The following SAMD4A variants were observed in gnomAD, a reference collection of about 807,000 sequenced individuals.
SAMD4A encodes sterile alpha motif domain containing 4A.
Under a neutral mutation model 81.3 loss-of-function variants are expected in SAMD4A, and 33 were observed. That is an observed-to-expected ratio of 0.41 (90% CI 0.31 to 0.54). The LOEUF is 0.54. Among genes scored for constraint, SAMD4A ranks in the 20% least tolerant of loss-of-function variants. The pLI is 0.37. For synonymous variants in SAMD4A, 389 were observed against 382.1 expected, an observed-to-expected ratio of 1.02 and a Z score of -0.21; for missense variants, 854 against 951.1, an observed-to-expected ratio of 0.90 and a Z score of 1.34.
intron 6 of SAMD4A, among the ~76,000 whole-genome samples, chr14:54,754,233 T>C (rs1401659830): frequency 6.6e-6 from 1 of 152,200 alleles, no homozygotes; most frequent in Non-Finnish European, 1.5e-5. Context: ...GTCAGTGATG[T>C]TTTCCGTGTC....
Position 54,789,913 on chromosome 14 carries a change from A to G in SAMD4A, c.*969A>G, listed in dbSNP as rs796434045. On this transcript the variant is annotated 3_prime_UTR_variant, in exon 13 of 13. Transcript: ENST00000554335. Reference sequence around the variant, plus strand: ...GCTCGCAGGGCACCCAGAGATTCTCAAAGAATCCTGCAGCCTCTTTCTGTG... The same window carrying G: ...GCTCGCAGGGCACCCAGAGATTCTCGAAGAATCCTGCAGCCTCTTTCTGTG... 1.3e-5 allele frequency: 2 copies of G among 152,238 alleles called. No homozygotes were observed. The highest frequency in any genetic ancestry group is 2.9e-5 in the Non-Finnish European group (2 of 68,048). The allele number at this position is 152,238 out of a possible 1,614,324, so 9.4% of individuals were successfully genotyped here.
At chr14:54,591,627 A>T (rs1425263010) in intron 2 of SAMD4A, among the ~76,000 whole-genome samples, 2 of 151,678 alleles carry the variant, frequency 1.3e-5, no homozygotes, top group African/African-American at 4.8e-5. Context: ...ATCAGTCAGC[A>T]TGTGTAGCTG....
intron 2 of SAMD4A, among the ~76,000 whole-genome samples, chr14:54,623,707 G>A (rs2034677582): frequency 6.6e-6 from 1 of 152,140 alleles, no homozygotes. Context: ...GAAATGTTCT[G>A]AACATAGCTG....
intron 2 of SAMD4A, among the ~76,000 whole-genome samples, chr14:54,586,765 A>G (rs1441555108): frequency 6.6e-6 from 1 of 151,984 alleles, no homozygotes; most frequent in East Asian, 1.9e-4. Context: ...TGGGTTCTCT[A>G]TTTTGTTCCA....
intron 2 of SAMD4A, among the ~76,000 whole-genome samples, chr14:54,610,689 T>A (rs2034330099): frequency 6.6e-6 from 1 of 152,242 alleles, no homozygotes; most frequent in South Asian, 2.1e-4. Context: ...CTGAGTTTTT[T>A]AAAAAGTCAG....
chr14:54,778,939 C>T (rs984266628), intron 11 of SAMD4A, among the ~76,000 whole-genome samples: 6 of 151,818 alleles, frequency 4.0e-5, no homozygotes, highest in African/African-American at 1.5e-4. Context: ...GGTTCCTCAG[C>T]CCTTGCCAAT....
intron 2 of SAMD4A, among the ~76,000 whole-genome samples, chr14:54,572,977 T>C (rs2033175904): frequency 6.6e-6 from 1 of 152,210 alleles, no homozygotes; most frequent in South Asian, 2.1e-4. Context: ...GTTTTTTCAC[T>C]CTGTCTCCTA....
chr14:54,744,154 C>A (rs1566615482), intron 4 of SAMD4A, among the ~76,000 whole-genome samples: 2 of 152,214 alleles, frequency 1.3e-5, no homozygotes, highest in African/African-American at 4.8e-5. Flanking sequence ...GGGAACAAGG[C>A]TGTTCATGTT....
At chr14:54,566,962 G>A (rs931477189), upstream of SAMD4A, 27 of 152,694 alleles carry the variant, frequency 1.8e-4, no homozygotes, top group African/African-American at 6.3e-4. Context: ...ATCCAGAGGG[G>A]CGCCTGGCGG....
intron 3 of SAMD4A, among the ~76,000 whole-genome samples, chr14:54,724,480 A>C (rs2037361963): frequency 6.6e-6 from 1 of 152,224 alleles, no homozygotes; most frequent in South Asian, 2.1e-4. Flanking sequence ...CATTTAGCCA[A>C]GAAGCCGACA....
At chr14:54,603,470 A>C (rs1248345067) in intron 2 of SAMD4A, among the ~76,000 whole-genome samples, 1 of 152,218 alleles carries the variant, frequency 6.6e-6, no homozygotes, top group East Asian at 1.9e-4. Context: ...GTAGGAACTG[A>C]TCAGCTTATA....
intron 11 of SAMD4A, among the ~76,000 whole-genome samples, chr14:54,781,331 T>C (rs2038994508): frequency 6.6e-6 from 1 of 152,226 alleles, no homozygotes; most frequent in Non-Finnish European, 1.5e-5. Flanking sequence ...GACAAGCCCT[T>C]TGGGCTCCTC....
At chr14:54,592,147 C>G (rs565711640) in intron 2 of SAMD4A, among the ~76,000 whole-genome samples, 7 of 152,236 alleles carry the variant, frequency 4.6e-5, no homozygotes, top group African/African-American at 1.7e-4. Flanking sequence ...ACCACCATAG[C>G]TCTGTGACTT....
rs2038556217 is a variant in SAMD4A, at chr14:54,766,788, GC to G, written c.1596+2251del. On this transcript the variant is annotated intron_variant, in intron 8 of 12. Coordinates refer to ENST00000554335, the MANE Select transcript of SAMD4A (RefSeq NM_015589.6). ...GTCCACCTTGCCTCAAGACAGCTGA[GC>G]CCATGAGACAGAAATCGTGAGTCCT... 2.0e-5 allele frequency among the ~76,000 whole-genome samples: 3 copies of G among 152,172 alleles called. No individual in the cohort carries two copies. In the South Asian group the frequency reaches 6.2e-4, roughly 32 times the overall value.
In SAMD4A at chr14:54,571,544, T is replaced by C. The variant is rs181228942; in HGVS notation, c.196+3432T>C. On this transcript the variant is annotated intron_variant, in intron 2 of 12. Transcript: ENST00000554335. Reference sequence around the variant, plus strand: ...GCTTTTGTCACTTGGACTTGAAATATATTTTTCATAGAGATTTATAAGTTA... The same window carrying C: ...GCTTTTGTCACTTGGACTTGAAATACATTTTTCATAGAGATTTATAAGTTA... Among the ~76,000 whole-genome samples the C allele has an allele frequency of 3.8e-3, 585 of 152,344 alleles. 1 individual carries two copies. The highest frequency in any genetic ancestry group is 7.1e-3 in the Non-Finnish European group (482 of 68,034).
At chr14:54,766,930 T>A (rs1000723047) in intron 8 of SAMD4A, among the ~76,000 whole-genome samples, 1 of 152,108 alleles carries the variant, frequency 6.6e-6, no homozygotes. Context: ...CTTGGTACCC[T>A]GGCTCTGGTT....
chr14:54,641,989 G>C (rs567818545), intron 2 of SAMD4A, among the ~76,000 whole-genome samples: 1 of 152,074 alleles, frequency 6.6e-6, no homozygotes, highest in African/African-American at 2.4e-5. Flanking sequence ...GTAGAGAAAG[G>C]GTTTCACCAT....
At chr14:54,620,079 T>A (rs2034579984) in intron 2 of SAMD4A, among the ~76,000 whole-genome samples, 1 of 152,138 alleles carries the variant, frequency 6.6e-6, no homozygotes, top group Admixed American at 6.5e-5. Flanking sequence ...TGGGTGGGTG[T>A]TACGTACATT....
intron 2 of SAMD4A, among the ~76,000 whole-genome samples, chr14:54,611,769 C>T (rs1475078792): frequency 6.6e-6 from 1 of 151,674 alleles, no homozygotes; most frequent in Non-Finnish European, 1.5e-5. Flanking sequence ...CCCAGCTACT[C>T]AGGAGGCTGA....
Sources: gnomAD v4.1 joint callset for allele counts (sites outside exome capture counted in the v4.1 genomes callset) on GRCh38, gnomAD v4.1.1 for gene constraint, MANE v1.5 for transcripts, NCBI Gene and HGNC (gene_info 2026-07-23, HGNC 2026-07-21) for gene names.